Variants in NTM observed in about 807,000 individuals in gnomAD.
NTM encodes the protein neurotrimin, also known as IgLON family member 2.
In NTM, 13 loss-of-function variants were observed where a neutral mutation model predicts 42.1. That is an observed-to-expected ratio of 0.31 (90% confidence interval 0.20 to 0.49). The LOEUF is 0.49. NTM is among the 20% of genes least tolerant of loss of function. The pLI, the probability that NTM is intolerant of heterozygous loss-of-function variation, is 0.99. For synonymous variants in NTM, 187 were observed against 179.2 expected, an observed-to-expected ratio of 1.04 and a Z score of -0.35; for missense variants, 373 against 452.8, an observed-to-expected ratio of 0.82 and a Z score of 1.60.
At chr11:131,374,807 T>C (rs1349365592) in intron 1 of NTM, among the ~76,000 whole-genome samples, 1 of 152,184 alleles carries the variant, frequency 6.6e-6, no homozygotes, top group Non-Finnish European at 1.5e-5. Flanking sequence ...TGAATCAATA[T>C]GGGGCACATG....
At chr11:132,246,247 C>T (rs538532310) in intron 4 of NTM, among the ~76,000 whole-genome samples, 1 of 152,334 alleles carries the variant, frequency 6.6e-6, no homozygotes, top group Admixed American at 6.5e-5. Context: ...CAAGCCTGCC[C>T]GGTGGCCCAC....
intron 1 of NTM, among the ~76,000 whole-genome samples, chr11:131,717,628 CAGAT>C (rs1352937469): frequency 3.9e-5 from 6 of 152,296 alleles, no homozygotes; most frequent in African/African-American, 1.4e-4. Context: ...TTGATTTCAT[CAGAT>C]ATTCTATATG....
intron 4 of NTM, among the ~76,000 whole-genome samples, chr11:132,259,393 T>C (rs914607007): frequency 6.6e-6 from 1 of 152,020 alleles, no homozygotes; most frequent in Non-Finnish European, 1.5e-5. Flanking sequence ...TGTAAAATAG[T>C]TTTTTAGGCC....
At chr11:131,866,822 A>AT (rs975020643) in intron 1 of NTM, among the ~76,000 whole-genome samples, 20 of 152,174 alleles carry the variant, frequency 1.3e-4, no homozygotes, top group Admixed American at 2.6e-4. Context: ...CAATGTCGTG[A>AT]TTTTTTTTGG....
chr11:131,414,290 G>A (rs1591601025), intron 1 of NTM, among the ~76,000 whole-genome samples: 1 of 152,298 alleles, frequency 6.6e-6, no homozygotes, highest in East Asian at 1.9e-4. Context: ...AGAGGCTGGA[G>A]AGCTGAGGTC....
chr11:131,910,448 G>T (rs556765511), intron 1 of NTM, among the ~76,000 whole-genome samples: 1 of 150,546 alleles, frequency 6.6e-6, no homozygotes, highest in East Asian at 2.0e-4. Flanking sequence ...CGCGGCGGGG[G>T]TTAAGGTGGG....
At chr11:131,432,129 T>C (rs991142205) in intron 1 of NTM, among the ~76,000 whole-genome samples, 3 of 152,172 alleles carry the variant, frequency 2.0e-5, no homozygotes, top group African/African-American at 7.2e-5. Context: ...TTACCATTAA[T>C]AGCAAAATTG....
At chr11:131,903,940 AT>A (rs112176301) in intron 1 of NTM, among the ~76,000 whole-genome samples, 27,131 of 151,794 alleles carry the variant, frequency 0.18, 3,169 homozygotes, top group African/African-American at 0.33. Flanking sequence ...GATCATGAAG[AT>A]TTTTTTTTGT....
chr11:131,899,639 C>A (rs1423915173), intron 1 of NTM, among the ~76,000 whole-genome samples: 1 of 152,214 alleles, frequency 6.6e-6, no homozygotes, highest in African/African-American at 2.4e-5. Context: ...TGCCTCTAAC[C>A]TAACAAACAG....
rs566669196 is a variant in NTM, at chr11:132,065,740, A to G, written c.168-80542A>G. 7.2e-5 allele frequency among the ~76,000 whole-genome samples: 11 copies of G among 152,290 alleles called. No homozygotes were observed. The South Asian group carries it at 2.1e-3, about 29-fold the overall frequency. ...ACTTGCTTACTTTCTGTTACTGGGT[A>G]CTTGGTTAAGTTTAAAGAACTGTGT... On this transcript the variant is annotated intron_variant, in intron 2 of 8. Coordinates refer to ENST00000683400, the MANE Select transcript of NTM (RefSeq NM_001352005.2).
intron 1 of NTM, among the ~76,000 whole-genome samples, chr11:131,637,313 G>A (rs1380891420): frequency 6.6e-6 from 1 of 151,888 alleles, no homozygotes; most frequent in Non-Finnish European, 1.5e-5. Context: ...CAAGAAAAGA[G>A]ACACTCCAGG....
intron 3 of NTM, among the ~76,000 whole-genome samples, chr11:132,152,830 G>T (rs1437770781): frequency 6.6e-6 from 1 of 152,196 alleles, no homozygotes; most frequent in Non-Finnish European, 1.5e-5. Flanking sequence ...TCAGAAAAAT[G>T]CCAGAGGAAA....
chr11:131,884,180 C>T (rs768078679), intron 1 of NTM, among the ~76,000 whole-genome samples: 3 of 152,054 alleles, frequency 2.0e-5, no homozygotes, highest in African/African-American at 2.4e-5. Flanking sequence ...GAGGCTGAGG[C>T]GGGCAGATCA....
chr11:131,796,862 G>C (rs886754661), intron 1 of NTM, among the ~76,000 whole-genome samples: 4 of 152,176 alleles, frequency 2.6e-5, no homozygotes, highest in Non-Finnish European at 4.4e-5. Flanking sequence ...CTCCTAGAGA[G>C]AGTGGCATTA....
In NTM at chr11:132,001,799, CAT is replaced by C. The variant is rs1491424867; in HGVS notation, c.167+90153_167+90154del. Among the ~76,000 whole-genome samples, 23 of 151,828 alleles carry C rather than the reference CAT, an allele frequency of 1.5e-4. 1 individual carries two copies. The highest frequency in any genetic ancestry group is 2.4e-4 in the African/African-American group (10 of 41,286). On this transcript the variant is annotated intron_variant, in intron 2 of 8. Transcript: ENST00000683400. ...AGGCACACACACACACACACACACA[CAT>C]ACACACAATCGGTCAACAGTGTAAA...
At chr11:132,107,915 A>C (rs911933718) in intron 2 of NTM, among the ~76,000 whole-genome samples, 2 of 152,204 alleles carry the variant, frequency 1.3e-5, no homozygotes, top group African/African-American at 4.8e-5. Context: ...AATCTCTTTC[A>C]TAAATTGATA....
chr11:132,133,410 A>G (rs1267340298), intron 2 of NTM, among the ~76,000 whole-genome samples: 1 of 152,206 alleles, frequency 6.6e-6, no homozygotes, highest in Non-Finnish European at 1.5e-5. Flanking sequence ...AATACATGGC[A>G]CATAGGAGGT....
intron 4 of NTM, among the ~76,000 whole-genome samples, chr11:132,300,585 G>A (rs372033854): frequency 4.5e-4 from 69 of 152,298 alleles, no homozygotes; most frequent in African/African-American, 1.6e-3. Flanking sequence ...CAGATCATTC[G>A]ACATGAATGT....
At chr11:132,147,054 G>A (rs954392771) in intron 3 of NTM, 5 of 156,836 alleles carry the variant, frequency 3.2e-5, no homozygotes, top group African/African-American at 1.2e-4. Flanking sequence ...CCCAGCCAGG[G>A]GTTTTGGATG....
Sources: gnomAD v4.1 joint callset for allele counts (sites outside exome capture counted in the v4.1 genomes callset) on GRCh38, gnomAD v4.1.1 for gene constraint, MANE v1.5 for transcripts, NCBI Gene and HGNC (gene_info 2026-07-23, HGNC 2026-07-21) for gene names.